Variants in RBFOX3 observed in about 807,000 individuals in gnomAD.
RBFOX3 encodes RNA binding protein fox-1 homolog 3.
In RBFOX3, 17 loss-of-function variants were observed where a neutral mutation model predicts 48.7. The ratio of observed to expected loss-of-function variants is 0.35; its 90% CI spans 0.24 to 0.52. The LOEUF (loss-of-function observed/expected upper bound fraction) is 0.52. Ranked by LOEUF, RBFOX3 falls within the 20% of genes least tolerant of loss-of-function variation. The pLI is 0.94. For missense variants in RBFOX3, 382 were observed against 497.5 expected (o/e 0.77, Z 2.21); for synonymous variants, 212 against 209.5 (o/e 1.01, Z -0.10).
rs1798866314 is a variant in RBFOX3, at chr17:79,430,285, T to TAAAG, written c.-175+52168_-175+52169insCTTT. Among the ~76,000 whole-genome samples the TAAAG allele has an allele frequency of 2.7e-5, 4 of 150,174 alleles. No individual in the cohort carries two copies. The South Asian group carries it at 8.4e-4, about 32-fold the overall frequency. The stretch of plus-strand genomic sequence containing the variant: ...AACATCTTCCAAATAAATAAATAAA[T>TAAAG]AAATAAATAAATAAATAAATAAAGC... On this transcript the variant is annotated intron_variant, in intron 2 of 14. Coordinates refer to ENST00000693108, the MANE Select transcript of RBFOX3 (RefSeq NM_001350451.2).
At chr17:79,307,937 G>T (rs912137372) in intron 2 of RBFOX3, 113 bp from the exon 3 acceptor site, 3 of 153,506 alleles carry the variant, frequency 2.0e-5, no homozygotes, top group Admixed American at 6.5e-5. Flanking sequence ...ACAGGACAGA[G>T]TGTCACGGGC....
At chr17:79,360,345 G>A (rs914087472) in intron 2 of RBFOX3, among the ~76,000 whole-genome samples, 1 of 152,168 alleles carries the variant, frequency 6.6e-6, no homozygotes, top group Admixed American at 6.5e-5. Flanking sequence ...GGAACCTGCA[G>A]GGAACCCTGC....
At position 79,477,323 on chromosome 17, in the gene RBFOX3, AAGGC is replaced by A. The variant is rs1598864737; in HGVS notation, c.-175+5127_-175+5130del. 3.1e-4 allele frequency among the ~76,000 whole-genome samples: 47 copies of A among 150,476 alleles called. No homozygotes were observed. In the East Asian group the frequency reaches 5.7e-3, roughly 18 times the overall value. ...TGTAATCCCAGCACTTTGGGAGGCC[AAGGC>A]AGGTGGATCACGAGGTCAGGAGATC... is the stretch of plus-strand genomic sequence containing the variant. On this transcript the variant is annotated intron_variant, in intron 2 of 14. Transcript: ENST00000693108. This position sits in a 1 kb window ranked among gnomAD's most constrained non-coding sequence, Gnocchi z 4.8.
chr17:79,092,727 C>CAAAA (rs2074195872), intron 14 of RBFOX3: 1 of 738,272 alleles, frequency 1.4e-6, no homozygotes, highest in South Asian at 6.1e-5. Flanking sequence ...AAAGGAAAAA[C>CAAAA]AAAAAGAGAA....
intron 3 of RBFOX3, among the ~76,000 whole-genome samples, chr17:79,306,059 G>A (rs1168906243): frequency 6.6e-6 from 1 of 152,214 alleles, no homozygotes; most frequent in Non-Finnish European, 1.5e-5. Flanking sequence ...TGTCCAGCGG[G>A]TGAAAGCCAG....
the RBFOX3 span, among the ~76,000 whole-genome samples, chr17:79,621,250 C>T: frequency 3.3e-5 from 5 of 152,102 alleles, no homozygotes; most frequent in Non-Finnish European, 4.4e-5. Flanking sequence ...CCGCCCGCCT[C>T]GGCCTCCCAA....
At chr17:79,438,633 C>G (rs974898839) in intron 2 of RBFOX3, among the ~76,000 whole-genome samples, 1 of 152,240 alleles carries the variant, frequency 6.6e-6, no homozygotes, top group Non-Finnish European at 1.5e-5. Context: ...GGCCCAGTAC[C>G]ACATAGGTGA....
intron 1 of RBFOX3, among the ~76,000 whole-genome samples, chr17:79,553,041 A>G (rs1413443469): frequency 6.6e-6 from 1 of 152,202 alleles, no homozygotes; most frequent in Non-Finnish European, 1.5e-5. Flanking sequence ...CTGCTACAAT[A>G]TGAAATAGTA....
intron 1 of RBFOX3, among the ~76,000 whole-genome samples, chr17:79,518,429 G>T (rs1048890089): frequency 6.6e-6 from 1 of 152,228 alleles, no homozygotes. Flanking sequence ...TGGCCTGGCC[G>T]GGGCCCCAAG....
At chr17:79,569,783 G>A (rs1447401792) in intron 1 of RBFOX3, among the ~76,000 whole-genome samples, 11 of 152,226 alleles carry the variant, frequency 7.2e-5, no homozygotes, top group African/African-American at 2.4e-4. Flanking sequence ...ATGGATGATG[G>A]ATAACAGATG....
Position 79,328,346 on chromosome 17 carries a change from C to T in RBFOX3, c.-174-20522G>A, listed in dbSNP as rs559281854. Among the ~76,000 whole-genome samples, 47 of 152,302 alleles carry T rather than the reference C, an allele frequency of 3.1e-4. 1 individual carries two copies. Among genetic ancestry groups the T allele is most frequent in the African/African-American group, 1.1e-3 (46 of 41,560 alleles). On this transcript the variant is annotated intron_variant, in intron 2 of 14. Transcript: ENST00000693108. ...GGGTCATCCACTGTGCAGACCACAC[C>T]GTCCATTGTGGCAGGGCTATCTGGT...
At chr17:79,315,912 C>A (rs1299553189) in intron 2 of RBFOX3, among the ~76,000 whole-genome samples, 1 of 152,074 alleles carries the variant, frequency 6.6e-6, no homozygotes, top group Non-Finnish European at 1.5e-5. Context: ...CTTCAATAAA[C>A]ACGAGATTGG....
chr17:79,343,910 C>T (rs2082473381), intron 2 of RBFOX3, among the ~76,000 whole-genome samples: 1 of 152,176 alleles, frequency 6.6e-6, no homozygotes, highest in Non-Finnish European at 1.5e-5. Context: ...ATGAATCTCC[C>T]TGCCCACAGG....
intron 3 of RBFOX3, among the ~76,000 whole-genome samples, chr17:79,255,835 G>T (rs11870687): frequency 0.055 from 8,259 of 151,314 alleles, 542 homozygotes; most frequent in African/African-American, 0.16. Flanking sequence ...TACATCCCAG[G>T]GACGGTGGAT....
At chr17:79,570,470 AGATG>A (rs1375291287) in intron 1 of RBFOX3, among the ~76,000 whole-genome samples, 8 of 152,204 alleles carry the variant, frequency 5.3e-5, no homozygotes, top group Non-Finnish European at 8.8e-5. Flanking sequence ...ATGGGTGGAC[AGATG>A]GATGGACAGA....
chr17:79,551,243 C>T (rs1464262173), intron 1 of RBFOX3, among the ~76,000 whole-genome samples: 2 of 152,094 alleles, frequency 1.3e-5, no homozygotes, highest in African/African-American at 4.8e-5. Flanking sequence ...ATTCCCCTCT[C>T]CCCCAGCCCC....
chr17:79,097,634 A>AGCCCCACGGG, intron 10 of RBFOX3, 58 bp downstream of exon 10: 1 of 812,942 alleles, frequency 1.2e-6, no homozygotes, highest in Non-Finnish European at 1.8e-6. Context: ...GAGCCCCCGG[A>AGCCCCACGGG]GCCCCACGGG....
chr17:79,319,474 C>A (rs1184564007), intron 2 of RBFOX3, among the ~76,000 whole-genome samples: 5 of 152,262 alleles, frequency 3.3e-5, no homozygotes, highest in African/African-American at 1.2e-4. Flanking sequence ...CCTGAGAGAA[C>A]CCCCTCCAAG....
At chr17:79,358,200 C>T (rs2085585250) in intron 2 of RBFOX3, among the ~76,000 whole-genome samples, 1 of 152,180 alleles carries the variant, frequency 6.6e-6, no homozygotes, top group African/African-American at 2.4e-5. Flanking sequence ...CCTGCCTTGG[C>T]CTCCCAAAGT....
Sources: gnomAD v4.1 joint callset for allele counts (sites outside exome capture counted in the v4.1 genomes callset) on GRCh38, gnomAD v4.1.1 for gene constraint, Gnocchi (gnomAD v3.1) non-coding constraint, MANE v1.5 for transcripts, NCBI Gene and HGNC (gene_info 2026-07-23, HGNC 2026-07-21) for gene names.